The following DAP3 variants were observed in gnomAD, a reference collection of about 807,000 sequenced individuals.
DAP3 encodes the protein death associated protein 3.
A neutral mutation model predicts 51.9 loss-of-function variants in DAP3; 28 were observed. That is an observed-to-expected ratio of 0.54 (90% CI 0.40 to 0.74). DAP3 has a LOEUF of 0.74. Among genes scored for constraint, DAP3 ranks in the 30% least tolerant of loss-of-function variants. The pLI is 0.00. For synonymous variants in DAP3, 170 were observed against 170.3 expected (o/e 1.00, Z 0.01); for missense variants, 458 against 483.5 (o/e 0.95, Z 0.49).
At chr1:155,703,714 T>C (rs1655608314) in intron 1 of DAP3, among the ~76,000 whole-genome samples, 1 of 152,224 alleles carries the variant, frequency 6.6e-6, no homozygotes, top group Non-Finnish European at 1.5e-5. Flanking sequence ...ATTTTTTGTA[T>C]TTTTAGTAGA....
At chr1:155,726,125 T>C in intron 6 of DAP3, 106 bp downstream of exon 6, 1 of 1,049,854 alleles carries the variant, frequency 9.5e-7, no homozygotes, top group Non-Finnish European at 1.3e-6. Context: ...TTTTTTTTTT[T>C]TTTTTGAGAT....
Position 155,729,271 on chromosome 1 carries a change from C to A in DAP3, c.748C>A (p.Gln250Lys). 1 of 1,614,132 alleles carries A rather than the reference C, an allele frequency of 6.2e-7. No homozygotes were observed. Among genetic ancestry groups the A allele is most frequent in the Non-Finnish European group, 8.5e-7 (1 of 1,180,034 alleles). The change falls in exon 9 of 13, where the codon CAA becomes AAA. Residue 250 changes from glutamine to lysine, a missense_variant. By Grantham distance (53) the Gln-to-Lys change is moderately conservative. Transcript: ENST00000368336. ...AATTGTGCTGAAAGAGCTAAAGAGGCAAAGTTCTTTGGGTATGTTTCACCT... is the reference window on the plus strand; with the variant it reads ...AATTGTGCTGAAAGAGCTAAAGAGGAAAAGTTCTTTGGGTATGTTTCACCT... ...VGIVLKELKRQSSLGMFHLLV... is the reference protein window; with the variant it reads ...VGIVLKELKRKSSLGMFHLLV...
intron 12 of DAP3, among the ~76,000 whole-genome samples, chr1:155,737,608 G>A (rs1162514474): frequency 2.0e-5 from 3 of 152,122 alleles, no homozygotes; most frequent in African/African-American, 7.2e-5. Context: ...AGCTAAGGCT[G>A]CTCTATCACT....
chr1:155,688,024 TGAGA>T, upstream of DAP3: 1 of 1,524,768 alleles, frequency 6.6e-7, no homozygotes, highest in Non-Finnish European at 8.8e-7. Flanking sequence ...ATTCAATCGC[TGAGA>T]GAGTGCTTAG....
In DAP3 at chr1:155,727,595, C is replaced by CT. The variant is rs771444391; in HGVS notation, c.473-5dup. ...CTGCCTGGCTTGTTTTCTTCTGCCTCTTTTTTTTAAAGCTCATCTTTGGGT... is the reference window on the plus strand; with the variant it reads ...CTGCCTGGCTTGTTTTCTTCTGCCTCTTTTTTTTTAAAGCTCATCTTTGGGT... On this transcript the variant is annotated splice_polypyrimidine_tract_variant and intron_variant, in intron 6 of 12. Transcript: ENST00000368336. 3.1e-5 allele frequency: 50 copies of CT among 1,607,056 alleles called. No homozygotes were observed. Among genetic ancestry groups the CT allele is most frequent in the East Asian group, 8.9e-5 (4 of 44,702 alleles).
Position 155,717,030 on chromosome 1 carries a change from ATG to A in DAP3, c.71_72del (p.Met24ArgfsTer14). 1 of 1,613,910 alleles carries A rather than the reference ATG, an allele frequency of 6.2e-7. No individual in the cohort carries two copies. Among genetic ancestry groups the A allele is most frequent in the African/African-American group, 1.3e-5 (1 of 74,934 alleles). On this transcript the variant is annotated frameshift_variant, in exon 3 of 13. Transcript: ENST00000368336. LOFTEE classifies it high-confidence loss of function. ...GTTGGACCCTGGGCGTTTTTTACAC[ATG>A]GGGACCCAGGCTCGCCAAAGCATTG... The part of the protein sequence containing the change: ...HKLDPGRFLH[M>X]GTQARQSIAA...
upstream of DAP3, chr1:155,688,328 C>A: frequency 6.5e-7 from 1 of 1,548,902 alleles, no homozygotes; most frequent in Non-Finnish European, 8.7e-7. Flanking sequence ...ATGGCGGCGG[C>A]AGCGGCGGCA....
chr1:155,730,206 ATATG>A (rs1345879117), intron 9 of DAP3, among the ~76,000 whole-genome samples: 1 of 148,380 alleles, frequency 6.7e-6, no homozygotes, highest in Non-Finnish European at 1.5e-5. Flanking sequence ...ATATATGTAT[ATATG>A]TATATATAAT....
At chr1:155,725,124 T>C (rs1658428169) in intron 4 of DAP3, among the ~76,000 whole-genome samples, 1 of 152,326 alleles carries the variant, frequency 6.6e-6, no homozygotes, top group Non-Finnish European at 1.5e-5. Context: ...TCAGCTGAGA[T>C]AGAATATATG....
chr1:155,726,895 G>A (rs1658670778), intron 6 of DAP3: 1 of 152,170 alleles, frequency 6.6e-6, no homozygotes, highest in South Asian at 2.1e-4. Flanking sequence ...CAGATTATAA[G>A]GTGAAGTCAA....
chr1:155,738,112 C>A, intron 12 of DAP3, 45 bp from the exon 13 acceptor site: 1 of 1,581,096 alleles, frequency 6.3e-7, no homozygotes, highest in Non-Finnish European at 8.7e-7. Context: ...GAACACAGTG[C>A]AGCAGGAGGA....
chr1:155,717,162 G>A, intron 3 of DAP3, 34 bp downstream of exon 3: 1 of 1,597,096 alleles, frequency 6.3e-7, no homozygotes, highest in Non-Finnish European at 8.5e-7. Flanking sequence ...GGTTTCTCAG[G>A]GCTTATGATT....
chr1:155,718,765 GAT>G (rs146424444), intron 3 of DAP3, among the ~76,000 whole-genome samples: 28 of 149,868 alleles, frequency 1.9e-4, no homozygotes, highest in African/African-American at 6.6e-4. Flanking sequence ...TATAGATGAA[GAT>G]ATATATATAT....
Position 155,729,344 on chromosome 1 carries a change from T to C in DAP3, c.821T>C (p.Leu274Pro). Residue 274 changes from leucine (L) to proline (P), a missense_variant, in exon 9 of 13, where the codon CTG becomes CCG. Transcript: ENST00000368336. ...GINALWGRTT[L>P]KREDKSPIAP... ...AATGCTCTTTGGGGAAGAACCACTC[T>C]GAAAAGAGAAGATAAAAGCCCGGTA... is the stretch of plus-strand genomic sequence containing the variant. The C allele has an allele frequency of 6.2e-7, 1 of 1,613,564 alleles. No individual in the cohort carries two copies. The highest frequency in any genetic ancestry group is 8.5e-7 in the Non-Finnish European group (1 of 1,179,894).
intron 5 of DAP3, 30 bp downstream of exon 5, chr1:155,725,520 T>C: frequency 6.3e-7 from 1 of 1,575,394 alleles, no homozygotes; most frequent in South Asian, 1.1e-5. Flanking sequence ...TGGACCCTCA[T>C]GAACCAATGC....
intron 7 of DAP3, among the ~76,000 whole-genome samples, chr1:155,728,603 T>TA (rs1305271436): frequency 6.6e-6 from 1 of 151,830 alleles, no homozygotes; most frequent in African/African-American, 2.4e-5. Context: ...CTCAGACATG[T>TA]AATTCCAGCA....
intron 1 of DAP3, among the ~76,000 whole-genome samples, chr1:155,704,093 GC>G (rs1431376186): frequency 2.0e-5 from 3 of 152,188 alleles, no homozygotes; most frequent in African/African-American, 4.8e-5. Context: ...GCTGCAGTGA[GC>G]CTAGATTGTG....
upstream of DAP3, chr1:155,688,716 C>A (rs1401149039): frequency 8.5e-6 from 13 of 1,520,476 alleles, no homozygotes; most frequent in Non-Finnish European, 1.1e-5. Context: ...CCCCTCCCTC[C>A]CCGCCCGCAC....
intron 1 of DAP3, among the ~76,000 whole-genome samples, chr1:155,705,763 C>T (rs546161837): frequency 1.3e-5 from 2 of 152,088 alleles, no homozygotes; most frequent in African/African-American, 4.8e-5. Flanking sequence ...TGCAATGGCG[C>T]AATCTCAGCT....
Sources: gnomAD v4.1 joint callset for allele counts (sites outside exome capture counted in the v4.1 genomes callset) on GRCh38, gnomAD v4.1.1 for gene constraint, MANE v1.5 for transcripts, NCBI Gene and HGNC (gene_info 2026-07-23, HGNC 2026-07-21) for gene names.